EHBP1: variants seen among roughly 807,000 people sequenced by gnomAD.
EHBP1 encodes EH domain-binding protein 1.
Under a neutral mutation model 144.0 loss-of-function variants are expected in EHBP1, and 55 were observed. That is an observed-to-expected ratio of 0.38 (90% CI 0.31 to 0.48). EHBP1 has a LOEUF of 0.48. Among genes scored for constraint, EHBP1 ranks in the 20% least tolerant of loss-of-function variants. The probability of loss-of-function intolerance (pLI) is 0.98; values close to 1 mark genes in which losing one functional copy is unlikely to be tolerated. For synonymous variants in EHBP1, 469 were observed against 472.7 expected (o/e 0.99, Z 0.10); for missense variants, 1,200 against 1,364.2 (o/e 0.88, Z 1.90).
intron 19 of EHBP1, among the ~76,000 whole-genome samples, chr2:63,020,703 G>A (rs115944708): frequency 0.026 from 3,959 of 151,174 alleles, 82 homozygotes; most frequent in Non-Finnish European, 0.037. Flanking sequence ...TTTTGAGATG[G>A]AGTCTTGCTC....
At chr2:62,809,018 C>T (rs1038578230) in intron 5 of EHBP1, among the ~76,000 whole-genome samples, 3 of 152,070 alleles carry the variant, frequency 2.0e-5, no homozygotes, top group African/African-American at 7.2e-5. Context: ...GTAGGCCAGG[C>T]GCAGTGGCTC....
chr2:62,866,718 A>G (rs758491049), intron 9 of EHBP1, among the ~76,000 whole-genome samples: 22 of 152,182 alleles, frequency 1.4e-4, no homozygotes, highest in Non-Finnish European at 2.9e-4. Context: ...GAAAATAACA[A>G]AGGATCAGTG....
At chr2:62,992,122 A>C (rs566581260) in intron 16 of EHBP1, among the ~76,000 whole-genome samples, 30 of 152,330 alleles carry the variant, frequency 2.0e-4, no homozygotes, top group Non-Finnish European at 4.1e-4. Flanking sequence ...AGGTTTCTTA[A>C]GATGGGATTT....
chr2:62,760,281 C>T (rs1425183006), intron 3 of EHBP1, among the ~76,000 whole-genome samples: 1 of 152,112 alleles, frequency 6.6e-6, no homozygotes, highest in African/African-American at 2.4e-5. Context: ...TTTAGCTAGA[C>T]TAATTGATAC....
At chr2:62,780,322 C>T (rs2042337004) in intron 5 of EHBP1, among the ~76,000 whole-genome samples, 1 of 152,002 alleles carries the variant, frequency 6.6e-6, no homozygotes, top group African/African-American at 2.4e-5. Flanking sequence ...ATCCTGTCAA[C>T]TTTCTGTTGT....
chr2:63,035,862 T>C (rs2061422939), intron 19 of EHBP1, among the ~76,000 whole-genome samples: 1 of 152,044 alleles, frequency 6.6e-6, no homozygotes, highest in African/African-American at 2.4e-5. Flanking sequence ...GCAGCCTATA[T>C]CACATGACCA....
intron 3 of EHBP1, among the ~76,000 whole-genome samples, chr2:62,754,974 C>T (rs572109868): frequency 5.9e-5 from 9 of 152,292 alleles, no homozygotes; most frequent in East Asian, 1.9e-4. Flanking sequence ...GGCTCATGCT[C>T]GATGGGCTGC....
At chr2:62,936,823 G>T (rs372176115) in intron 10 of EHBP1, among the ~76,000 whole-genome samples, 5 of 152,144 alleles carry the variant, frequency 3.3e-5, no homozygotes, top group Admixed American at 2.6e-4. Context: ...AAATGTAAGT[G>T]TTCTCATTCT....
intron 13 of EHBP1, among the ~76,000 whole-genome samples, chr2:62,953,174 G>A (rs1421193729): frequency 6.0e-5 from 8 of 133,870 alleles, no homozygotes; most frequent in Admixed American, 1.8e-4. Flanking sequence ...CCGAGCTGGC[G>A]CCATTGTACT....
chr2:62,728,148 C>T (rs533308942), intron 2 of EHBP1, among the ~76,000 whole-genome samples: 1 of 152,268 alleles, frequency 6.6e-6, no homozygotes, highest in African/African-American at 2.4e-5. Context: ...ACTCCACAAC[C>T]TCGGTTTGAT....
At chr2:62,835,454 T>G (rs1477044058) in intron 7 of EHBP1, among the ~76,000 whole-genome samples, 1 of 152,180 alleles carries the variant, frequency 6.6e-6, no homozygotes, top group Admixed American at 6.5e-5. Context: ...AACTTTTATT[T>G]CTCTACTTAC....
chr2:62,743,612 C>G (rs771329289), intron 2 of EHBP1, among the ~76,000 whole-genome samples: 1 of 152,016 alleles, frequency 6.6e-6, no homozygotes, highest in Admixed American at 6.6e-5. Context: ...GTGATAGTTT[C>G]GGGTTTTTCT....
At chr2:62,961,340 CCTT>C (rs1167680811) in intron 14 of EHBP1, among the ~76,000 whole-genome samples, 5 of 152,292 alleles carry the variant, frequency 3.3e-5, no homozygotes, top group Non-Finnish European at 5.9e-5. Flanking sequence ...TTCATTCATA[CCTT>C]TGTGCCTTTA....
At chr2:63,037,389 C>CTTAG (rs2061484259) in intron 19 of EHBP1, 146 bp from the exon 20 acceptor site, 4 of 546,606 alleles carry the variant, frequency 7.3e-6, no homozygotes, top group Non-Finnish European at 1.3e-5. Flanking sequence ...TTTTTCAGGA[C>CTTAG]TTAGACTTTA....
At chr2:62,974,809 CTT>C (rs767074876) in intron 14 of EHBP1, among the ~76,000 whole-genome samples, 4 of 152,138 alleles carry the variant, frequency 2.6e-5, no homozygotes, top group Non-Finnish European at 5.9e-5. Flanking sequence ...TCTTATCTCT[CTT>C]TTTACAAATA....
At chr2:62,860,977 A>G (rs1230814812) in intron 8 of EHBP1, among the ~76,000 whole-genome samples, 1 of 151,834 alleles carries the variant, frequency 6.6e-6, no homozygotes, top group Non-Finnish European at 1.5e-5. Context: ...ATATTTTTAT[A>G]GAAATAATTT....
At chr2:62,833,095 A>G (rs1269575810) in intron 7 of EHBP1, among the ~76,000 whole-genome samples, 2 of 152,222 alleles carry the variant, frequency 1.3e-5, no homozygotes, top group Non-Finnish European at 1.5e-5. Flanking sequence ...GAAAGCTTTA[A>G]TGGTCTGGAT....
chr2:62,711,567 G>A (rs549241699), intron 2 of EHBP1, among the ~76,000 whole-genome samples: 1 of 152,284 alleles, frequency 6.6e-6, no homozygotes, highest in African/African-American at 2.4e-5. Flanking sequence ...ATCTTAGTAT[G>A]TAAGTAGTAG....
At chr2:62,952,465 G>A (rs1421874004) in intron 13 of EHBP1, among the ~76,000 whole-genome samples, 2 of 152,110 alleles carry the variant, frequency 1.3e-5, no homozygotes, top group South Asian at 2.1e-4. Flanking sequence ...TAAAATAATA[G>A]TAACTCTTAC....
Sources: gnomAD v4.1 joint callset for allele counts (sites outside exome capture counted in the v4.1 genomes callset) on GRCh38, gnomAD v4.1.1 for gene constraint, MANE v1.5 for transcripts, NCBI Gene and HGNC (gene_info 2026-07-23, HGNC 2026-07-21) for gene names.